Variants in NEK7 observed in about 807,000 individuals in gnomAD.
NEK7 encodes the protein serine/threonine-protein kinase Nek7.
NEK7 carries 18 observed loss-of-function variants against 44.6 expected under a neutral mutation model. The ratio of observed to expected loss-of-function variants is 0.40; its 90% CI spans 0.28 to 0.60. NEK7 has a LOEUF of 0.60. Among genes scored for constraint, NEK7 ranks in the 20% least tolerant of loss-of-function variants. The pLI is 0.38. For synonymous variants in NEK7, 130 were observed against 121.1 expected (o/e 1.07, Z -0.48); for missense variants, 256 against 366.5 (o/e 0.70, Z 2.46).
At chr1:198,246,730 A>G (rs963772195) in intron 2 of NEK7, among the ~76,000 whole-genome samples, 43 of 152,250 alleles carry the variant, frequency 2.8e-4, no homozygotes, top group African/African-American at 4.8e-5. Context: ...GTTCACGCTA[A>G]TATTTGTCAA....
intron 9 of NEK7, among the ~76,000 whole-genome samples, chr1:198,317,878 T>TTTA (rs1553258412): frequency 2.4e-3 from 115 of 47,888 alleles, no homozygotes; most frequent in Non-Finnish European, 3.6e-3. Context: ...GATATATTTA[T>TTTA]TTTTTTTTTT....
chr1:198,161,912 C>G (rs1258073119), intron 1 of NEK7, among the ~76,000 whole-genome samples: 1 of 151,962 alleles, frequency 6.6e-6, no homozygotes, highest in African/African-American at 2.4e-5. Context: ...GGTATGACTA[C>G]CTTTGTCTAC....
chr1:198,253,259 A>T, intron 3 of NEK7, 79 bp downstream of exon 3: 1 of 921,284 alleles, frequency 1.1e-6, no homozygotes. Context: ...ATCCTGAATG[A>T]TTGGGTACTG....
At chr1:198,204,339 C>T (rs1665526535) in intron 1 of NEK7, among the ~76,000 whole-genome samples, 1 of 152,176 alleles carries the variant, frequency 6.6e-6, no homozygotes, top group African/African-American at 2.4e-5. Context: ...AATGTTGTTA[C>T]AGTACCTAAA....
At chr1:198,251,794 C>A (rs559819693) in intron 2 of NEK7, among the ~76,000 whole-genome samples, 1 of 152,174 alleles carries the variant, frequency 6.6e-6, no homozygotes, top group South Asian at 2.1e-4. Context: ...TGCTAGCAGT[C>A]TATCAATTTT....
chr1:198,218,688 C>T (rs10922379), intron 1 of NEK7, among the ~76,000 whole-genome samples: 20,808 of 149,924 alleles, frequency 0.14, 2,093 homozygotes, highest in East Asian at 0.57. Flanking sequence ...GACTGATATG[C>T]GGAATATACA....
At chr1:198,263,727 T>G (rs920090128) in intron 4 of NEK7, among the ~76,000 whole-genome samples, 2 of 151,858 alleles carry the variant, frequency 1.3e-5, no homozygotes, top group African/African-American at 4.8e-5. Context: ...AACTTCCAAG[T>G]AGGAGTAAAA....
chr1:198,237,788 A>G (rs1333942876), intron 2 of NEK7, among the ~76,000 whole-genome samples: 1 of 152,108 alleles, frequency 6.6e-6, no homozygotes, highest in Admixed American at 6.5e-5. Context: ...TTGCTCATTC[A>G]TATTCTTCAA....
intron 1 of NEK7, among the ~76,000 whole-genome samples, chr1:198,216,392 A>G (rs1004993945): frequency 6.6e-6 from 1 of 152,064 alleles, no homozygotes; most frequent in Non-Finnish European, 1.5e-5. Context: ...GAATGATAAC[A>G]GTGGCACAAG....
rs921876944 is a variant in NEK7, at chr1:198,320,962, G to A, written c.*1440G>A. On this transcript the variant is annotated 3_prime_UTR_variant, in exon 10 of 10. Coordinates refer to ENST00000367385, the MANE Select transcript of NEK7 (RefSeq NM_133494.3). ...CCCTGAATGCTTTCGTATTAGTGGC[G>A]ACCAGTTTCTCACAGAATTGTGAAG... The A allele has an allele frequency of 2.6e-5, 4 of 152,238 alleles. No homozygotes were observed. The highest frequency in any genetic ancestry group is 5.9e-5 in the Non-Finnish European group (4 of 68,008). The allele number at this position is 152,238 out of a possible 1,614,324, so 9.4% of individuals were successfully genotyped here. A position where few individuals can be genotyped will look rare whatever the true frequency, so the allele number is the denominator to read the frequency against.
At chr1:198,288,151 C>T (rs1654436726) in intron 7 of NEK7, among the ~76,000 whole-genome samples, 1 of 152,188 alleles carries the variant, frequency 6.6e-6, no homozygotes, top group Non-Finnish European at 1.5e-5. Flanking sequence ...TTGGCTTATT[C>T]CCCTTCGTTG....
At chr1:198,166,162 G>A (rs535311915) in intron 1 of NEK7, among the ~76,000 whole-genome samples, 5 of 152,304 alleles carry the variant, frequency 3.3e-5, no homozygotes, top group Admixed American at 6.5e-5. Context: ...TGTCTCAGCC[G>A]TAAGGCTGTT....
intron 1 of NEK7, among the ~76,000 whole-genome samples, chr1:198,198,785 C>T (rs1410658342): frequency 1.3e-5 from 2 of 152,196 alleles, no homozygotes; most frequent in African/African-American, 4.8e-5. Flanking sequence ...TTTTAATTCC[C>T]TCTCCCCACA....
intron 5 of NEK7, among the ~76,000 whole-genome samples, chr1:198,271,167 G>T (rs542511064): frequency 3.9e-5 from 6 of 152,068 alleles, no homozygotes; most frequent in Non-Finnish European, 7.4e-5. Flanking sequence ...ACCCAATTAG[G>T]TCATGACTAC....
Position 198,321,202 on chromosome 1 carries a change from C to T in NEK7, c.*1680C>T, listed in dbSNP as rs531559219. ...AAAAAATGTATAAAGGGCAAAAAGT[C>T]TGAACCCTTGTTTTCTGAAATCTAA... On this transcript the variant is annotated 3_prime_UTR_variant, in exon 10 of 10. Transcript: ENST00000367385. 5 of 152,262 alleles carry T rather than the reference C, an allele frequency of 3.3e-5. No individual in the cohort carries two copies. Among genetic ancestry groups the T allele is most frequent in the South Asian group, 2.1e-4 (1 of 4,830 alleles). 9.4% of individuals were successfully genotyped at this position (152,262 alleles called of 1,614,324 possible).
At chr1:198,270,372 A>G (rs1653797502) in intron 5 of NEK7, among the ~76,000 whole-genome samples, 2 of 152,028 alleles carry the variant, frequency 1.3e-5, no homozygotes, top group South Asian at 4.1e-4. Flanking sequence ...AATAAAACAA[A>G]ATGTAACCTA....
intron 2 of NEK7, among the ~76,000 whole-genome samples, chr1:198,249,438 T>C (rs1365092509): frequency 2.0e-5 from 3 of 151,716 alleles, no homozygotes; most frequent in Non-Finnish European, 4.4e-5. Flanking sequence ...ATGGTATTTC[T>C]AGTTCTAGAT....
At chr1:198,201,479 T>G (rs906837540) in intron 1 of NEK7, among the ~76,000 whole-genome samples, 1 of 152,230 alleles carries the variant, frequency 6.6e-6, no homozygotes, top group African/African-American at 2.4e-5. Context: ...CCATTAGAGT[T>G]GAACAGTTGG....
At chr1:198,315,659 C>T (rs1274347817) in intron 9 of NEK7, among the ~76,000 whole-genome samples, 1 of 152,068 alleles carries the variant, frequency 6.6e-6, no homozygotes. Flanking sequence ...GTTTAAGGAG[C>T]CTGAGACCAA....
Sources: gnomAD v4.1 joint callset for allele counts (sites outside exome capture counted in the v4.1 genomes callset) on GRCh38, gnomAD v4.1.1 for gene constraint, MANE v1.5 for transcripts, NCBI Gene and HGNC (gene_info 2026-07-23, HGNC 2026-07-21) for gene names.